The following FHOD1 variants were observed in gnomAD, a reference collection of about 807,000 sequenced individuals.
FHOD1 encodes formin homology 2 domain containing 1.
In FHOD1, 89 loss-of-function variants were observed where a neutral mutation model predicts 111.6. The observed-to-expected ratio is 0.80, with a 90% CI of 0.67 to 0.95. The LOEUF (loss-of-function observed/expected upper bound fraction) is 0.95, where lower values mean the gene tolerates loss of function less well. FHOD1 is among the 40% of genes least tolerant of loss of function. The pLI, the probability that FHOD1 is intolerant of heterozygous loss-of-function variation, is 0.00. For synonymous variants in FHOD1, 618 were observed against 639.0 expected (o/e 0.97, Z 0.50); for missense variants, 1,446 against 1,554.2 (o/e 0.93, Z 1.17).
intron 13 of FHOD1, among the ~76,000 whole-genome samples, chr16:67,232,455 C>G (rs1172876849): frequency 6.9e-6 from 1 of 145,854 alleles, no homozygotes; most frequent in Non-Finnish European, 1.5e-5. Context: ...GGAGGCGGAG[C>G]TTGCAGTGAG....
chr16:67,231,479 C>A lies in FHOD1; in HGVS notation c.2456G>T (p.Cys819Phe). The A allele has an allele frequency of 6.2e-7, 1 of 1,614,194 alleles. No individual in the cohort carries two copies. The highest frequency in any genetic ancestry group is 8.5e-7 in the Non-Finnish European group (1 of 1,180,032). ...CACCGCTAGGAGGGTAGCCAGGATGCAGCGGAAGGTGGCATTCTGTACCAG... is the reference window on the plus strand; with the variant it reads ...CACCGCTAGGAGGGTAGCCAGGATGAAGCGGAAGGTGGCATTCTGTACCAG... ...EQLVQNATFR[C>F]ILATLLAVGN... The change falls in exon 16 of 22, where the codon TGC (cysteine) becomes TTC (phenylalanine). Residue 819 changes from cysteine (C) to phenylalanine (F), a missense_variant. Transcript: ENST00000258201. This position sits in a 1 kb window ranked among gnomAD's most constrained non-coding sequence, Gnocchi z 4.3.
chr16:67,231,553 G>T lies in FHOD1; in HGVS notation c.2386-4C>A, dbSNP rs2142264164. 6.2e-7 allele frequency: 1 copy of T among 1,614,144 alleles called. No homozygotes were observed. The highest frequency in any genetic ancestry group is 1.3e-5 in the African/African-American group (1 of 75,016). ...CAAACAGTGGCTCAGCAATTTCCTG[G>T]TATGGGAGACCAGGGACTCTCAGAC... On this transcript the variant is annotated splice_region_variant and splice_polypyrimidine_tract_variant and intron_variant, in intron 15 of 21. Coordinates refer to ENST00000258201, the MANE Select transcript of FHOD1 (RefSeq NM_013241.3). The surrounding 1 kb of genome is among the most constrained non-coding windows in gnomAD (Gnocchi z 4.3).
At chr16:67,235,437 G>A (rs560180282) in intron 11 of FHOD1, among the ~76,000 whole-genome samples, 8 of 151,872 alleles carry the variant, frequency 5.3e-5, no homozygotes, top group Non-Finnish European at 1.2e-4. Flanking sequence ...GGCTGAGGCA[G>A]GAGAATTGCT....
At chr16:67,242,020 G>A (rs993524251) in intron 1 of FHOD1, among the ~76,000 whole-genome samples, 2 of 152,034 alleles carry the variant, frequency 1.3e-5, no homozygotes, top group Admixed American at 6.6e-5. Flanking sequence ...CCAAGTTGGA[G>A]TGTAGTGGCA....
At chr16:67,233,556 C>T in intron 13 of FHOD1, 101 bp downstream of exon 13, 5 of 1,440,790 alleles carry the variant, frequency 3.5e-6, no homozygotes, top group Non-Finnish European at 4.6e-6. Flanking sequence ...GCCTTGGTTT[C>T]CCCATGTGGG....
Position 67,231,814 on chromosome 16 carries a change from T to C in FHOD1, c.2208A>G (p.Leu736=), listed in dbSNP as rs200917054. ...FAVSKDGIEK[L]LTMMPTEEER... The stretch of plus-strand genomic sequence containing the variant: ...CTTCCTCCGTGGGCATCATGGTCAG[T>C]AGCTTCTGAGGATGTAGCCAGAGCC... The change falls in exon 15 of 22, where the codon CTA becomes CTG. Residue 736 remains leucine (L), a synonymous_variant. Transcript: ENST00000258201. This position sits in a 1 kb window ranked among gnomAD's most constrained non-coding sequence, Gnocchi z 4.3. 6 of 1,613,886 alleles carry C rather than the reference T, an allele frequency of 3.7e-6. No homozygotes were observed. In the East Asian group the frequency reaches 1.3e-4, roughly 36 times the overall value.
At position 67,238,221 on chromosome 16, in the gene FHOD1, G is replaced by T; in HGVS notation, c.528C>A (p.Tyr176Ter). 6.2e-7 allele frequency: 1 copy of T among 1,614,218 alleles called. No individual in the cohort carries two copies. Among genetic ancestry groups the T allele is most frequent in the Non-Finnish European group, 8.5e-7 (1 of 1,180,030 alleles). ...IRVGAAADHN[Y>*]QSYILRALGQ... ...GCTGACCTCTAAGGATGTAGCTCTG[G>T]TAGTTGTGGTCGGCAGCAGCACCCA... Residue 176 changes from tyrosine (Y) to a stop codon, truncating the protein, a stop_gained, in exon 5 of 22, where the codon TAC becomes TAA. Transcript: ENST00000258201. LOFTEE classifies it high-confidence loss of function. The surrounding 1 kb of genome is among the most constrained non-coding windows in gnomAD (Gnocchi z 4.2).
intron 1 of FHOD1, among the ~76,000 whole-genome samples, chr16:67,242,390 C>T (rs1174324729): frequency 6.6e-6 from 1 of 152,224 alleles, no homozygotes; most frequent in African/African-American, 2.4e-5. Context: ...AGTGTCTCCC[C>T]ACCCCCAGCT....
At chr16:67,247,062 G>A in intron 1 of FHOD1, 148 bp downstream of exon 1, 1 of 895,164 alleles carries the variant, frequency 1.1e-6, no homozygotes, top group Non-Finnish European at 1.6e-6. Flanking sequence ...CCCGCAGGCG[G>A]GGCAGAGTGG....
intron 13 of FHOD1, among the ~76,000 whole-genome samples, chr16:67,232,816 ATTTT>A (rs569365125): frequency 6.9e-6 from 1 of 144,716 alleles, no homozygotes; most frequent in African/African-American, 2.5e-5. Context: ...ATACCCAACT[ATTTT>A]TTTTTTTAAC....
At chr16:67,236,344 G>A in intron 11 of FHOD1, 3 of 1,414,912 alleles carry the variant, frequency 2.1e-6, no homozygotes, top group East Asian at 2.6e-5. Context: ...CGTCGGAGGA[G>A]ACAAAGGAAA....
In FHOD1 at chr16:67,247,456, A is replaced by C; in HGVS notation, c.-46T>G. On this transcript the variant is annotated 5_prime_UTR_variant, in exon 1 of 22. Transcript: ENST00000258201. ...CAGCGCGCCTCCGAGTCCCGGCCCC[A>C]GTGCAGCTTCTACTCAAAGCACACT... is the stretch of plus-strand genomic sequence containing the variant. The C allele has an allele frequency of 1.3e-6, 2 of 1,591,604 alleles. No homozygotes were observed. Among genetic ancestry groups the C allele is most frequent in the Non-Finnish European group, 1.7e-6 (2 of 1,167,134 alleles).
intron 1 of FHOD1, among the ~76,000 whole-genome samples, chr16:67,240,429 T>C (rs947946793): frequency 2.0e-5 from 3 of 152,150 alleles, no homozygotes; most frequent in Admixed American, 6.5e-5. Flanking sequence ...CTGGGGAGGC[T>C]GAGGCAGGAG....
At chr16:67,236,447 A>G in intron 11 of FHOD1, 110 bp downstream of exon 11, 1 of 1,516,792 alleles carries the variant, frequency 6.6e-7, no homozygotes, top group Non-Finnish European at 8.8e-7. Context: ...GGAAAGAGAG[A>G]GAGAGAAAGC....
At chr16:67,239,505 T>C (rs1567394141) in intron 1 of FHOD1, 51 bp from the exon 2 acceptor site, 1 of 1,390,140 alleles carries the variant, frequency 7.2e-7, no homozygotes, top group African/African-American at 1.4e-5. Flanking sequence ...GGCAGGCGAA[T>C]GTATGAAGAC....
chr16:67,236,986 G>A lies in FHOD1; in HGVS notation c.1122C>T (p.Pro374=), dbSNP rs148476639. The change falls in exon 10 of 22, where the codon CCC becomes CCT. Residue 374 remains proline (P), a synonymous_variant. Transcript: ENST00000258201. ...CTTACCCAGGTTCCGGGGCACGCGCGGGGCAGCCCCCGCCTTCCAGAGAAC... is the reference window on the plus strand; with the variant it reads ...CTTACCCAGGTTCCGGGGCACGCGCAGGGCAGCCCCCGCCTTCCAGAGAAC... ...SRRSLEGGGC[P]ARAPEPGPTG... 1.6e-4 allele frequency: 258 copies of A among 1,598,932 alleles called. No individual in the cohort carries two copies. Among genetic ancestry groups the A allele is most frequent in the South Asian group, 4.7e-4 (42 of 89,524 alleles).
At position 67,238,103 on chromosome 16, in the gene FHOD1, C is replaced by T. The variant is rs2034556666; in HGVS notation, c.573G>A (p.Val191=). ...GGGCCACCACCCCCAGCATTCCATCCACAAAGAGCATCAGCTGGCCGAGCG... is the reference window on the plus strand; with the variant it reads ...GGGCCACCACCCCCAGCATTCCATCTACAAAGAGCATCAGCTGGCCGAGCG... ...LRALGQLMLF[V]DGMLGVVAHS... is the part of the protein sequence containing the mutation. Residue 191 remains valine, a synonymous_variant, in exon 6 of 22, where the codon GTG becomes GTA. Transcript: ENST00000258201. The surrounding 1 kb of genome is among the most constrained non-coding windows in gnomAD (Gnocchi z 4.2). 6.2e-7 allele frequency: 1 copy of T among 1,614,206 alleles called. No homozygotes were observed. The highest frequency in any genetic ancestry group is 8.5e-7 in the Non-Finnish European group (1 of 1,180,040).
Position 67,230,372 on chromosome 16 carries a change from T to A in FHOD1, c.2993A>T (p.Gln998Leu). 1 of 1,614,236 alleles carries A rather than the reference T, an allele frequency of 6.2e-7. No homozygotes were observed. The highest frequency in any genetic ancestry group is 8.5e-7 in the Non-Finnish European group (1 of 1,180,030). The change falls in exon 19 of 22, where the codon CAG becomes CTG. Residue 998 changes from glutamine to leucine, a missense_variant. Gln to Leu is a moderately radical substitution (Grantham distance 113, BLOSUM62 -2). Transcript: ENST00000258201. ...RTCRERVLQQ[Q>L]QKQATYRERN... Reference sequence around the variant, plus strand: ...CTCACGGTATGTGGCCTGCTTCTGCTGCTGCTGTAGCACTCGTTCCCGGCA... The same window carrying A: ...CTCACGGTATGTGGCCTGCTTCTGCAGCTGCTGTAGCACTCGTTCCCGGCA...
At chr16:67,246,067 G>T (rs1597334329) in intron 1 of FHOD1, among the ~76,000 whole-genome samples, 1 of 152,252 alleles carries the variant, frequency 6.6e-6, no homozygotes, top group African/African-American at 2.4e-5. Context: ...TTGAAGCCGG[G>T]GTTCTGGCCT....
Sources: allele counts gnomAD v4.1 joint callset (sites outside exome capture counted in the v4.1 genomes callset), GRCh38; gene constraint gnomAD v4.1.1; non-coding constraint Gnocchi (gnomAD v3.1); transcripts MANE v1.5; gene names NCBI Gene and HGNC (gene_info 2026-07-23, HGNC 2026-07-21).